ASAP1: variants seen among roughly 807,000 people sequenced by gnomAD.
ASAP1 encodes the protein ArfGAP with SH3 domain, ankyrin repeat and PH domain 1.
ASAP1 carries 43 observed loss-of-function variants against 145.2 expected under a neutral mutation model. That is an observed-to-expected ratio of 0.30 (90% CI 0.23 to 0.38). The LOEUF is 0.38. Ranked by LOEUF, ASAP1 falls within the 10% of genes least tolerant of loss-of-function variation. The pLI is 1.00. For missense variants in ASAP1, 1,018 were observed against 1,355.3 expected (o/e 0.75, Z 3.91); for synonymous variants, 546 against 515.5 (o/e 1.06, Z -0.80).
intron 2 of ASAP1, among the ~76,000 whole-genome samples, chr8:130,377,309 G>A (rs933461538): frequency 1.3e-5 from 2 of 152,010 alleles, no homozygotes; most frequent in Non-Finnish European, 2.9e-5. Flanking sequence ...TGCACCAAAA[G>A]CTCACAAATC....
chr8:130,312,857 T>C (rs984050727), intron 3 of ASAP1, among the ~76,000 whole-genome samples: 1 of 152,176 alleles, frequency 6.6e-6, no homozygotes, highest in Non-Finnish European at 1.5e-5. Context: ...GTTTTGCCAA[T>C]GTGATTTTCA....
chr8:130,169,070 A>G lies in ASAP1; in HGVS notation c.747-3T>C. 1 of 1,547,878 alleles carries G rather than the reference A, an allele frequency of 6.5e-7. No homozygotes were observed. The highest frequency in any genetic ancestry group is 8.7e-7 in the Non-Finnish European group (1 of 1,147,132). On this transcript the variant is annotated splice_polypyrimidine_tract_variant and splice_region_variant and intron_variant, in intron 9 of 29. Coordinates refer to ENST00000518721, the MANE Select transcript of ASAP1 (RefSeq NM_018482.4). ...TTTTCAAGCCATCTTGAAAGAAACTACAATTAAAAAAATCAGAGATTTACC... is the reference window on the plus strand; with the variant it reads ...TTTTCAAGCCATCTTGAAAGAAACTGCAATTAAAAAAATCAGAGATTTACC...
At position 130,118,520 on chromosome 8, in the gene ASAP1, T is replaced by C; in HGVS notation, c.1763A>G (p.Glu588Gly). The change falls in exon 19 of 30, where the codon GAG (glutamate) becomes GGG (glycine). Residue 588 changes from glutamate (E) to glycine (G), a missense_variant. Glu to Gly is a moderately conservative substitution (Grantham distance 98). Around this residue, in one of 9 missense-constraint regions of ASAP1, gnomAD observed 353 missense variants for 375.4 expected, o/e 0.94. Transcript: ENST00000518721. The stretch of plus-strand genomic sequence containing the variant: ...AGGTTCCAGCAGTGGTTCCATTAGC[T>C]CTACCCCTTCTGCATAGACTTGAAT... The part of the protein sequence containing the change: ...ALIQVYAEGV[E>G]LMEPLLEPGQ... 6.2e-7 allele frequency: 1 copy of C among 1,613,620 alleles called. No individual in the cohort carries two copies. Among genetic ancestry groups the C allele is most frequent in the Non-Finnish European group, 8.5e-7 (1 of 1,179,694 alleles).
At chr8:130,379,195 C>T (rs753319381) in intron 2 of ASAP1, among the ~76,000 whole-genome samples, 3 of 152,136 alleles carry the variant, frequency 2.0e-5, no homozygotes, top group Admixed American at 1.3e-4. Context: ...AGCCATGTTC[C>T]GGGAAGGTGG....
At chr8:130,335,105 G>C (rs1444643846) in intron 3 of ASAP1, among the ~76,000 whole-genome samples, 1 of 152,180 alleles carries the variant, frequency 6.6e-6, no homozygotes, top group Non-Finnish European at 1.5e-5. Flanking sequence ...CTGGGATCCA[G>C]AGAGCTAAAG....
intron 3 of ASAP1, among the ~76,000 whole-genome samples, chr8:130,277,548 G>T (rs1042295527): frequency 6.6e-6 from 1 of 152,086 alleles, no homozygotes; most frequent in Admixed American, 6.5e-5. Context: ...AACTCCTAAA[G>T]ACAAGCACAA....
intron 2 of ASAP1, among the ~76,000 whole-genome samples, chr8:130,390,819 T>C (rs907988489): frequency 5.9e-5 from 9 of 152,168 alleles, no homozygotes; most frequent in African/African-American, 2.2e-4. Flanking sequence ...TTGTGCACTA[T>C]TGGTGGGAAT....
At chr8:130,312,175 A>T (rs1303600521) in intron 3 of ASAP1, among the ~76,000 whole-genome samples, 1 of 151,720 alleles carries the variant, frequency 6.6e-6, no homozygotes, top group African/African-American at 2.4e-5. Flanking sequence ...CTATCAAGAA[A>T]CTGAGGTGGG....
rs150155424 is a variant in ASAP1 at position 130,375,342 on chromosome 8, C to T, written c.60-17199G>A. On this transcript the variant is annotated intron_variant, in intron 2 of 29. Coordinates refer to ENST00000518721, the MANE Select transcript of ASAP1 (RefSeq NM_018482.4). ...CTGGAGAACTGCTGGGAAGAGAGGC[C>T]CAAGGGGTCTGGCTATGGTTAGGGG... Among the ~76,000 whole-genome samples the T allele has an allele frequency of 2.4e-3, 370 of 151,770 alleles. 1 individual carries two copies. The highest frequency in any genetic ancestry group is 8.6e-3 in the African/African-American group (354 of 41,334).
At chr8:130,403,850 G>A (rs1054808905) in intron 1 of ASAP1, among the ~76,000 whole-genome samples, 2 of 152,136 alleles carry the variant, frequency 1.3e-5, no homozygotes, top group East Asian at 1.9e-4. Context: ...CTCTGTGCCC[G>A]GCCCATTGGA....
At chr8:130,433,357 C>T (rs1265877027) in intron 1 of ASAP1, among the ~76,000 whole-genome samples, 1 of 152,222 alleles carries the variant, frequency 6.6e-6, no homozygotes, top group African/African-American at 2.4e-5. Flanking sequence ...ATACCCTTCC[C>T]TTCTCTCCTC....
intron 1 of ASAP1, among the ~76,000 whole-genome samples, chr8:130,422,189 G>A (rs895697079): frequency 3.0e-4 from 45 of 152,226 alleles, no homozygotes; most frequent in African/African-American, 1.1e-3. Flanking sequence ...ACAGTGTGGA[G>A]GCCTGAGGGG....
intron 3 of ASAP1, among the ~76,000 whole-genome samples, chr8:130,276,753 CT>C (rs1375998327): frequency 6.6e-5 from 10 of 150,954 alleles, no homozygotes; most frequent in South Asian, 2.1e-4. Flanking sequence ...CTCTCTCTCT[CT>C]CTCTCTCCTC....
intron 2 of ASAP1, among the ~76,000 whole-genome samples, chr8:130,389,877 T>C (rs929466453): frequency 1.2e-4 from 19 of 152,162 alleles, no homozygotes; most frequent in Non-Finnish European, 1.3e-4. Flanking sequence ...AATTTTTTTT[T>C]CGTAGAGACA....
intron 13 of ASAP1, among the ~76,000 whole-genome samples, chr8:130,139,171 T>C (rs2097603243): frequency 6.6e-6 from 1 of 152,144 alleles, no homozygotes; most frequent in South Asian, 2.1e-4. Context: ...ATGGAAACTC[T>C]GAAGATGAGT....
intron 12 of ASAP1, among the ~76,000 whole-genome samples, chr8:130,153,332 AATATATATAT>A (rs67554567): frequency 3.4e-5 from 3 of 87,512 alleles, no homozygotes; most frequent in Non-Finnish European, 6.7e-5. Flanking sequence ...CTGCTTTTTA[AATATATATAT>A]ATATATATAT....
At chr8:130,313,222 G>T (rs1206389751) in intron 3 of ASAP1, among the ~76,000 whole-genome samples, 1 of 151,900 alleles carries the variant, frequency 6.6e-6, no homozygotes, top group Non-Finnish European at 1.5e-5. Context: ...CCTAAAGCCT[G>T]CAGATAATTT....
At chr8:130,072,563 T>C (rs1184856134) in intron 27 of ASAP1, among the ~76,000 whole-genome samples, 2 of 56,376 alleles carry the variant, frequency 3.5e-5, no homozygotes, top group Non-Finnish European at 9.1e-5. Flanking sequence ...GGTATGTCTT[T>C]ATCAGCAGCG....
intron 15 of ASAP1, among the ~76,000 whole-genome samples, chr8:130,132,047 T>TTGAGAAAGGGAAA (rs146724326): frequency 0.11 from 16,279 of 152,112 alleles, 1,074 homozygotes; most frequent in African/African-American, 0.18. Context: ...ACTTAGGGTT[T>TTGAGAAAGGGAAA]TGAGAAAGGG....
Sources: gnomAD v4.1 joint callset for allele counts (sites outside exome capture counted in the v4.1 genomes callset) on GRCh38, gnomAD v4.1.1 for gene constraint, gnomAD v4.1.1 regional missense constraint, MANE v1.5 for transcripts, NCBI Gene and HGNC (gene_info 2026-07-23, HGNC 2026-07-21) for gene names.